The following VEGFC variants were observed in gnomAD, a reference collection of about 807,000 sequenced individuals.
The protein encoded by VEGFC is vascular endothelial growth factor C, also known as FLT4 ligand DHM.
In VEGFC, 12 loss-of-function variants were observed where a neutral mutation model predicts 46.1. The ratio of observed to expected loss-of-function variants is 0.26; its 90% CI spans 0.17 to 0.42. The LOEUF (loss-of-function observed/expected upper bound fraction) is 0.42. VEGFC is among the 10% of genes least tolerant of loss of function. The pLI is 1.00. For synonymous variants in VEGFC, 232 were observed against 195.5 expected (o/e 1.19, Z -1.56); for missense variants, 488 against 529.4 (o/e 0.92, Z 0.77).
Position 176,758,461 on chromosome 4 carries a change from G to A in VEGFC, c.148-28715C>T, listed in dbSNP as rs80025210. ...TCAATCATACCAGACACTTCCCAGA[G>A]CTAGGACATGCACATTTTTTAATCT... is the stretch of plus-strand genomic sequence containing the variant. On this transcript the variant is annotated intron_variant, in intron 1 of 6. Coordinates refer to ENST00000618562, the MANE Select transcript of VEGFC (RefSeq NM_005429.5). Among the ~76,000 whole-genome samples, 1,049 of 152,170 alleles carry A rather than the reference G, an allele frequency of 6.9e-3. 13 individuals carry two copies. Among genetic ancestry groups the A allele is most frequent in the Non-Finnish European group, 0.01 (686 of 67,984 alleles).
intron 4 of VEGFC, among the ~76,000 whole-genome samples, chr4:176,704,961 C>T (rs993652866): frequency 3.1e-5 from 2 of 64,344 alleles, no homozygotes; most frequent in African/African-American, 9.2e-5. Flanking sequence ...ATGTATCTTT[C>T]TATCTCTGTG....
chr4:176,757,878 T>C (rs1414041374), intron 1 of VEGFC, among the ~76,000 whole-genome samples: 1 of 152,054 alleles, frequency 6.6e-6, no homozygotes, highest in Non-Finnish European at 1.5e-5. Flanking sequence ...AAAGTATAGA[T>C]TTACCATGTT....
At chr4:176,764,482 T>C (rs546878136) in intron 1 of VEGFC, among the ~76,000 whole-genome samples, 1 of 152,270 alleles carries the variant, frequency 6.6e-6, no homozygotes, top group East Asian at 1.9e-4. Context: ...AAATTATCCA[T>C]GGTAAGAAGC....
intron 1 of VEGFC, among the ~76,000 whole-genome samples, chr4:176,780,381 C>CAA (rs1252541684): frequency 6.5e-4 from 8 of 12,244 alleles, no homozygotes; most frequent in Admixed American, 1.3e-3. Flanking sequence ...GACTCCATCT[C>CAA]AAAAAAAAAA....
chr4:176,732,591 T>C (rs2111021504), intron 1 of VEGFC, among the ~76,000 whole-genome samples: 1 of 151,918 alleles, frequency 6.6e-6, no homozygotes, highest in South Asian at 2.1e-4. Context: ...TCAAACCCAA[T>C]TTCTCCTTCA....
intron 1 of VEGFC, among the ~76,000 whole-genome samples, chr4:176,784,336 C>G (rs1012120742): frequency 6.6e-6 from 1 of 152,000 alleles, no homozygotes; most frequent in Non-Finnish European, 1.5e-5. Context: ...TCCCAAAGTG[C>G]TGGGATTACA....
At chr4:176,717,959 A>T (rs1734723709) in intron 3 of VEGFC, among the ~76,000 whole-genome samples, 1 of 152,166 alleles carries the variant, frequency 6.6e-6, no homozygotes, top group Non-Finnish European at 1.5e-5. Flanking sequence ...ACAGATTTAA[A>T]TCTGGTACTG....
intron 1 of VEGFC, among the ~76,000 whole-genome samples, chr4:176,787,677 C>T (rs1736026552): frequency 6.6e-6 from 1 of 151,918 alleles, no homozygotes; most frequent in Non-Finnish European, 1.5e-5. Context: ...ACAGTCTCTG[C>T]TTTCTCATGG....
chr4:176,763,048 G>C (rs548972300), intron 1 of VEGFC, among the ~76,000 whole-genome samples: 2 of 152,226 alleles, frequency 1.3e-5, no homozygotes, highest in Admixed American at 1.3e-4. Flanking sequence ...TCCTCCTTGG[G>C]ATATAATCAG....
At chr4:176,711,035 C>T (rs972102872) in intron 4 of VEGFC, among the ~76,000 whole-genome samples, 4 of 152,088 alleles carry the variant, frequency 2.6e-5, no homozygotes, top group African/African-American at 9.7e-5. Context: ...CATATACACA[C>T]ACACACATAT....
At chr4:176,707,179 A>G (rs1347158874) in intron 4 of VEGFC, among the ~76,000 whole-genome samples, 1 of 152,260 alleles carries the variant, frequency 6.6e-6, no homozygotes, top group Non-Finnish European at 1.5e-5. Flanking sequence ...TTGACTAATA[A>G]AGAACATTTG....
At position 176,687,663 on chromosome 4, in the gene VEGFC, G is replaced by C. The variant is rs956563049; in HGVS notation, c.812-143C>G. ...AACATGAGTATGTTCCTTTATAAAG[G>C]AGTTCAAAATAATACCAACGTGAAG... On this transcript the variant is annotated intron_variant, in intron 5 of 6. Transcript: ENST00000618562. 3.0e-6 allele frequency: 3 copies of C among 1,004,520 alleles called. No homozygotes were observed. In the African/African-American group the frequency reaches 4.9e-5, roughly 16 times the overall value. 62.2% of individuals were successfully genotyped at this position (1,004,520 alleles called of 1,614,324 possible). A position where few individuals can be genotyped will look rare whatever the true frequency, so the allele number is the denominator to read the frequency against.
intron 1 of VEGFC, among the ~76,000 whole-genome samples, chr4:176,774,014 T>G (rs1039610779): frequency 6.6e-6 from 1 of 152,160 alleles, no homozygotes; most frequent in Admixed American, 6.6e-5. Context: ...TCAACAATGC[T>G]CATCTTTAGA....
Position 176,683,700 on chromosome 4 carries a change from GA to G in VEGFC, c.*225del. ...CATTCTTTTAAAGAAATCACAAGAG[GA>G]AAATCTTGGCTGTTTGGTCATTGGC... is the stretch of plus-strand genomic sequence containing the variant. On this transcript the variant is annotated 3_prime_UTR_variant, in exon 7 of 7. Transcript: ENST00000618562. The G allele has an allele frequency of 2.8e-6, 1 of 360,402 alleles. No individual in the cohort carries two copies. The highest frequency in any genetic ancestry group is 5.0e-6 in the Non-Finnish European group (1 of 201,714). The allele number at this position is 360,402 out of a possible 1,614,324, so 22.3% of individuals were successfully genotyped here. A position where few individuals can be genotyped will look rare whatever the true frequency, so the allele number is the denominator to read the frequency against.
rs55996370 is a variant in VEGFC, at chr4:176,706,625, CAAAAAAAAAAA to C, written c.704+4863_704+4873del. ...TGGGTGATAGAGTGAGAATCTGTCT[CAAAAAAAAAAA>C]AAAAAAAAAAAAAAAAAAGAGAAAT... On this transcript the variant is annotated intron_variant, in intron 4 of 6. Transcript: ENST00000618562. Among the ~76,000 whole-genome samples the C allele has an allele frequency of 7.0e-3, 443 of 63,486 alleles. 1 individual carries two copies. The highest frequency in any genetic ancestry group is 0.014 in the Middle Eastern group (1 of 72). 41.6% of individuals were successfully genotyped at this position (63,486 alleles called of 152,430 possible).
At chr4:176,747,448 C>T (rs938417947) in intron 1 of VEGFC, among the ~76,000 whole-genome samples, 4 of 151,948 alleles carry the variant, frequency 2.6e-5, no homozygotes, top group African/African-American at 7.2e-5. Flanking sequence ...TGACTGCAAA[C>T]CCTGGGTCAG....
chr4:176,768,360 C>A (rs1344037686), intron 1 of VEGFC, among the ~76,000 whole-genome samples: 1 of 151,530 alleles, frequency 6.6e-6, no homozygotes. Context: ...ATTAAAAGTT[C>A]AAGGAGAGTA....
At chr4:176,685,248 A>T (rs17651713) in intron 6 of VEGFC, among the ~76,000 whole-genome samples, 12,755 of 152,286 alleles carry the variant, frequency 0.084, 597 homozygotes, top group Non-Finnish European at 0.1. Flanking sequence ...ATTCATAGTT[A>T]TGACTACTGG....
At chr4:176,715,098 T>A (rs1734676293) in intron 3 of VEGFC, among the ~76,000 whole-genome samples, 1 of 152,174 alleles carries the variant, frequency 6.6e-6, no homozygotes, top group Non-Finnish European at 1.5e-5. Context: ...AAAAAATCTT[T>A]GTTGCAGTTT....
Sources: gnomAD v4.1 joint callset for allele counts (sites outside exome capture counted in the v4.1 genomes callset) on GRCh38, gnomAD v4.1.1 for gene constraint, MANE v1.5 for transcripts, NCBI Gene and HGNC (gene_info 2026-07-23, HGNC 2026-07-21) for gene names.